Variants in JARID2 observed in about 807,000 individuals in gnomAD.
JARID2 encodes the protein protein Jumonji.
JARID2 carries 21 observed loss-of-function variants against 125.6 expected under a neutral mutation model. That is an observed-to-expected ratio of 0.17 (90% CI 0.12 to 0.24). The LOEUF (loss-of-function observed/expected upper bound fraction) is 0.24. Among genes scored for constraint, JARID2 ranks in the 10% least tolerant of loss-of-function variants. The pLI is 1.00. For missense variants in JARID2, 1,303 were observed against 1,639.6 expected, an observed-to-expected ratio of 0.79 and a Z score of 3.55; for synonymous variants, 736 against 661.6, an observed-to-expected ratio of 1.11 and a Z score of -1.73.
intron 1 of JARID2, among the ~76,000 whole-genome samples, chr6:15,348,925 T>G (rs139590075): frequency 6.6e-6 from 1 of 152,206 alleles, no homozygotes; most frequent in African/African-American, 2.4e-5. Flanking sequence ...TAGCATACCA[T>G]CTGAAGCAAT....
In JARID2 at chr6:15,500,889, T is replaced by C. The variant is rs138697388; in HGVS notation, c.1946-18T>C. The C allele has an allele frequency of 4.7e-4, 733 of 1,570,626 alleles. 6 individuals carry two copies. In the African/African-American group the frequency reaches 9.0e-3, roughly 19 times the overall value. ...TCTTTCACTAACTGTCCCGTTTTTTTCCCCTTCGCTGTCCCAGGGGGCTGT... is the reference window on the plus strand; with the variant it reads ...TCTTTCACTAACTGTCCCGTTTTTTCCCCCTTCGCTGTCCCAGGGGGCTGT... On this transcript the variant is annotated intron_variant, in intron 7 of 17. Coordinates refer to ENST00000341776, the MANE Select transcript of JARID2 (RefSeq NM_004973.4).
chr6:15,339,509 C>T (rs1013458419), intron 1 of JARID2, among the ~76,000 whole-genome samples: 1 of 150,864 alleles, frequency 6.6e-6, no homozygotes, highest in African/African-American at 2.4e-5. Flanking sequence ...AGGGCAAGAA[C>T]AGTTATCTCT....
chr6:15,309,639 A>G (rs970748315), intron 1 of JARID2, among the ~76,000 whole-genome samples: 4 of 152,078 alleles, frequency 2.6e-5, no homozygotes, highest in African/African-American at 9.7e-5. Flanking sequence ...ATATGTATAC[A>G]TATAATATAT....
chr6:15,301,121 T>G (rs912094122), intron 1 of JARID2, among the ~76,000 whole-genome samples: 40 of 152,194 alleles, frequency 2.6e-4, no homozygotes, highest in Admixed American at 2.6e-3. Flanking sequence ...CAGAAATGGC[T>G]ACAATTACTC....
At chr6:15,486,468 G>C (rs1338469402) in intron 5 of JARID2, among the ~76,000 whole-genome samples, 2 of 152,246 alleles carry the variant, frequency 1.3e-5, no homozygotes, top group Non-Finnish European at 2.9e-5. Context: ...CTGACTTCAT[G>C]TGCCAGGGAT....
At chr6:15,476,443 T>C (rs1212049837) in intron 5 of JARID2, among the ~76,000 whole-genome samples, 7 of 152,220 alleles carry the variant, frequency 4.6e-5, no homozygotes. Flanking sequence ...TGTACCCTTC[T>C]TCCTCCGAGC....
At chr6:15,509,174 C>G in intron 12 of JARID2, 1 of 1,280,510 alleles carries the variant, frequency 7.8e-7, no homozygotes, top group Non-Finnish European at 1.0e-6. Context: ...AATCCTGACT[C>G]TCACTGCACC....
rs1771347255 is a variant in JARID2 at position 15,512,915 on chromosome 6, G to C, written c.3136G>C (p.Glu1046Gln). The change falls in exon 15 of 18, where the codon GAA becomes CAA. Residue 1046 changes from glutamate (E) to glutamine (Q), a missense_variant and splice_region_variant. By Grantham distance (29) the Glu-to-Gln change is conservative. This residue lies in a region of JARID2 where 190 missense variants were observed against 341.4 expected (regional missense o/e 0.56). Coordinates refer to ENST00000341776, the MANE Select transcript of JARID2 (RefSeq NM_004973.4). ...TAAAGGGATGTGACTCCTCTTTCAG[G>C]AAATGAAGCGTCGCCATATAGCTAA... ...WTSMGFETAK[E>Q]MKRRHIAKPF... 6.2e-7 allele frequency: 1 copy of C among 1,613,578 alleles called. No homozygotes were observed.
At chr6:15,454,801 C>G (rs926865185) in intron 4 of JARID2, among the ~76,000 whole-genome samples, 2 of 152,142 alleles carry the variant, frequency 1.3e-5, no homozygotes, top group African/African-American at 4.8e-5. Context: ...TAGATTTTGG[C>G]TGAAAGATTC....
chr6:15,425,606 C>T (rs186348005), intron 3 of JARID2, among the ~76,000 whole-genome samples: 3 of 152,288 alleles, frequency 2.0e-5, no homozygotes, highest in Middle Eastern at 6.8e-3. Context: ...GATAGGCCCC[C>T]TTTTGTCTCT....
intron 1 of JARID2, among the ~76,000 whole-genome samples, chr6:15,286,360 C>G (rs1445298880): frequency 1.3e-5 from 2 of 149,592 alleles, no homozygotes; most frequent in African/African-American, 2.5e-5. Flanking sequence ...TCAAATGATT[C>G]TCTGCCTCAG....
chr6:15,250,109 T>A (rs1759384967), intron 1 of JARID2, among the ~76,000 whole-genome samples: 1 of 152,190 alleles, frequency 6.6e-6, no homozygotes, highest in African/African-American at 2.4e-5. Context: ...GAAAACAAAT[T>A]GCCAGTTTGA....
At chr6:15,390,962 A>T (rs1009312695) in intron 2 of JARID2, among the ~76,000 whole-genome samples, 16 of 152,042 alleles carry the variant, frequency 1.1e-4, no homozygotes, top group Non-Finnish European at 5.9e-5. Context: ...TTTTCCTCAG[A>T]GGTGGTATTC....
At chr6:15,255,387 G>C (rs970197954) in intron 1 of JARID2, among the ~76,000 whole-genome samples, 10 of 152,178 alleles carry the variant, frequency 6.6e-5, no homozygotes, top group Admixed American at 6.5e-4. Context: ...ACAGGCGTGA[G>C]CCACTGCGCC....
At chr6:15,352,388 A>G (rs933459491) in intron 1 of JARID2, among the ~76,000 whole-genome samples, 3 of 152,016 alleles carry the variant, frequency 2.0e-5, no homozygotes, top group Admixed American at 2.0e-4. Context: ...GTGCATTGTC[A>G]TTGGAGAGGA....
At chr6:15,259,020 T>G (rs993694334) in intron 1 of JARID2, among the ~76,000 whole-genome samples, 1 of 152,230 alleles carries the variant, frequency 6.6e-6, no homozygotes, top group Non-Finnish European at 1.5e-5. Flanking sequence ...TCCTAACTTA[T>G]GGAAAAATGC....
intron 2 of JARID2, among the ~76,000 whole-genome samples, chr6:15,392,075 T>TGC (rs1335089637): frequency 6.2e-4 from 37 of 59,304 alleles, no homozygotes; most frequent in African/African-American, 2.6e-3. Flanking sequence ...TGTGTGTGTG[T>TGC]GTGCGTGTCT....
Position 15,366,845 on chromosome 6 carries a change from G to A in JARID2, c.46-7272G>A, listed in dbSNP as rs56109067. ...GGTTGTTATTTAAAACATTGGTGGG[G>A]GGTCTGAATTCCAACTTTAGAACAG... On this transcript the variant is annotated intron_variant, in intron 1 of 17. Coordinates refer to ENST00000341776, the MANE Select transcript of JARID2 (RefSeq NM_004973.4). 7.1e-3 allele frequency among the ~76,000 whole-genome samples: 1,083 copies of A among 152,200 alleles called. 7 individuals carry two copies. The highest frequency in any genetic ancestry group is 0.014 in the Middle Eastern group (4 of 294).
At chr6:15,519,907 C>A in intron 17 of JARID2, among the ~76,000 whole-genome samples, 162 bp from the exon 18 acceptor site, 1 of 152,134 alleles carries the variant, frequency 6.6e-6, no homozygotes, top group East Asian at 1.9e-4. Context: ...GAAAGGGAGA[C>A]TCACTGCATC....
Sources: allele counts gnomAD v4.1 joint callset (sites outside exome capture counted in the v4.1 genomes callset), GRCh38; gene constraint gnomAD v4.1.1; regional missense constraint gnomAD v4.1.1; transcripts MANE v1.5; gene names NCBI Gene and HGNC (gene_info 2026-07-23, HGNC 2026-07-21).